Variants in ROBO2 observed in about 807,000 individuals in gnomAD.
ROBO2 encodes the protein roundabout guidance receptor 2, also known as roundabout homolog 2.
A neutral mutation model predicts 160.8 loss-of-function variants in ROBO2; 53 were observed. That is an observed-to-expected ratio of 0.33 (90% CI 0.26 to 0.41). The LOEUF (loss-of-function observed/expected upper bound fraction) is 0.41, where lower values mean the gene tolerates loss of function less well. Ranked by LOEUF, ROBO2 falls within the 10% of genes least tolerant of loss-of-function variation. The pLI, the probability that ROBO2 is intolerant of heterozygous loss-of-function variation, is 1.00. For missense variants in ROBO2, 1,577 were observed against 1,722.4 expected (o/e 0.92, Z 1.49); for synonymous variants, 664 against 611.7 (o/e 1.09, Z -1.26).
chr3:77,390,321 T>TA (rs1237119339), intron 2 of ROBO2, among the ~76,000 whole-genome samples: 1 of 152,182 alleles, frequency 6.6e-6, no homozygotes, highest in African/African-American at 2.4e-5. Flanking sequence ...TATGGCATCT[T>TA]ACACAGTTTG....
At chr3:75,938,419 T>C (rs1947894712) in intron 2 of ROBO2, among the ~76,000 whole-genome samples, 1 of 152,214 alleles carries the variant, frequency 6.6e-6, no homozygotes, top group East Asian at 1.9e-4. Context: ...CCGTATTTTA[T>C]GTGATAAAAC....
Position 76,871,540 on chromosome 3 carries a change from C to G in ROBO2, c.110-226474C>G, listed in dbSNP as rs971244861. Among the ~76,000 whole-genome samples, 53 of 137,222 alleles carry G rather than the reference C, an allele frequency of 3.9e-4. No homozygotes were observed. In the East Asian group the frequency reaches 0.01, roughly 26 times the overall value. 90.0% of individuals were successfully genotyped at this position (137,222 alleles called of 152,430 possible). ...CTGCACTCCAGCCTGGGCGACAGAG[C>G]GAGACTCCGTCTCAAAAAAAGAAAA... On this transcript the variant is annotated intron_variant, in intron 2 of 26. Coordinates refer to the ROBO2 transcript ENST00000487694.
intron 24 of ROBO2, among the ~76,000 whole-genome samples, chr3:77,641,139 T>C (rs1395752494): frequency 6.6e-6 from 1 of 152,238 alleles, no homozygotes; most frequent in Non-Finnish European, 1.5e-5. Context: ...ACCAAACTCA[T>C]TGGATTATCC....
At chr3:76,798,259 G>GGAAA (rs71104619) in intron 2 of ROBO2, among the ~76,000 whole-genome samples, 20,587 of 93,998 alleles carry the variant, frequency 0.22, 2,405 homozygotes, top group Admixed American at 0.26. Flanking sequence ...AAAGAAAGAA[G>GGAAA]GAAAGAAAGA....
chr3:76,555,946 C>G (rs887171055), intron 2 of ROBO2, among the ~76,000 whole-genome samples: 1 of 151,826 alleles, frequency 6.6e-6, no homozygotes, highest in African/African-American at 2.4e-5. Context: ...AAAAATTTGG[C>G]CAGGTGTGGT....
rs1290955194 is a variant in ROBO2, at chr3:76,141,068, T to TATATATATATATAA, written c.109+203475_109+203476insTATAAATATATATA. 3.3e-4 allele frequency among the ~76,000 whole-genome samples: 39 copies of TATATATATATATAA among 116,934 alleles called. 3 individuals are homozygous for TATATATATATATAA. The highest frequency in any genetic ancestry group is 1.1e-3 in the African/African-American group (35 of 31,260). The allele number at this position is 116,934 out of a possible 152,430, so 76.7% of individuals were successfully genotyped here. On this transcript the variant is annotated intron_variant, in intron 2 of 26. Transcript: ENST00000487694. ...AGATGTCTTTTTACATACATATATA[T>TATATATATATATAA]ATATATATAAAATATATGTGCCTGG... is the stretch of plus-strand genomic sequence containing the variant.
At chr3:77,023,821 G>A (rs4643744) in intron 2 of ROBO2, among the ~76,000 whole-genome samples, 90 of 152,070 alleles carry the variant, frequency 5.9e-4, no homozygotes, top group Non-Finnish European at 1.2e-3. Flanking sequence ...GTTAGCCTAC[G>A]ATATCTACAG....
chr3:76,646,022 CAG>C (rs1260525084), intron 2 of ROBO2, among the ~76,000 whole-genome samples: 1 of 152,072 alleles, frequency 6.6e-6, no homozygotes, highest in African/African-American at 2.4e-5. Context: ...GGGCTTGGGT[CAG>C]AGAGTCTGAA....
chr3:76,252,768 C>T (rs1267550753), intron 2 of ROBO2, among the ~76,000 whole-genome samples: 1 of 146,564 alleles, frequency 6.8e-6, no homozygotes, highest in Non-Finnish European at 1.5e-5. Flanking sequence ...TACACACACA[C>T]ACACACACAC....
At position 76,739,160 on chromosome 3, in the gene ROBO2, G is replaced by T. The variant is rs1212421963; in HGVS notation, c.110-358854G>T. On this transcript the variant is annotated intron_variant, in intron 2 of 26. Transcript: ENST00000487694. Reference sequence around the variant, plus strand: ...TACCCAAAGGACTATAAATCATGCTGCTATAAAGACACACGCACACATATG... The same window carrying T: ...TACCCAAAGGACTATAAATCATGCTTCTATAAAGACACACGCACACATATG... Among the ~76,000 whole-genome samples, 3 of 152,224 alleles carry T rather than the reference G, an allele frequency of 2.0e-5. No individual in the cohort carries two copies. The South Asian group carries it at 6.2e-4, about 32-fold the overall frequency.
At chr3:76,372,452 C>T (rs1314351500) in intron 2 of ROBO2, among the ~76,000 whole-genome samples, 1 of 151,830 alleles carries the variant, frequency 6.6e-6, no homozygotes, top group African/African-American at 2.4e-5. Flanking sequence ...GAGGGCTTAA[C>T]CTTTTGTTTG....
intron 2 of ROBO2, among the ~76,000 whole-genome samples, chr3:76,840,507 G>A (rs2148463249): frequency 6.6e-6 from 1 of 151,444 alleles, no homozygotes; most frequent in African/African-American, 2.4e-5. Context: ...CTACTCGGGA[G>A]GCTGAGGCAG....
At chr3:76,898,842 T>G (rs553035367) in intron 2 of ROBO2, among the ~76,000 whole-genome samples, 1 of 152,288 alleles carries the variant, frequency 6.6e-6, no homozygotes, top group East Asian at 1.9e-4. Context: ...TAAAAATATA[T>G]GTTCTATTAT....
At chr3:77,101,188 C>A (rs1249210470) in intron 2 of ROBO2, among the ~76,000 whole-genome samples, 1 of 152,164 alleles carries the variant, frequency 6.6e-6, no homozygotes, top group Non-Finnish European at 1.5e-5. Context: ...AGATTCTGAA[C>A]TGAACATAGC....
chr3:75,931,769 G>C (rs1018448777), intron 1 of ROBO2, among the ~76,000 whole-genome samples: 3 of 151,930 alleles, frequency 2.0e-5, no homozygotes, highest in Admixed American at 1.3e-4. Context: ...TCCCCTGCTT[G>C]ACTTTGCATG....
At chr3:76,000,613 C>T (rs977907509) in intron 2 of ROBO2, among the ~76,000 whole-genome samples, 7 of 151,570 alleles carry the variant, frequency 4.6e-5, no homozygotes, top group South Asian at 4.2e-4. Flanking sequence ...CTCAGCCTCC[C>T]GAGTAGCTGG....
At chr3:77,484,508 AACACACACAC>A (rs60959193) in intron 4 of ROBO2, among the ~76,000 whole-genome samples, 15 of 146,726 alleles carry the variant, frequency 1.0e-4, no homozygotes, top group African/African-American at 1.5e-4. Context: ...CCCCAACACA[AACACACACAC>A]ACACACACAC....
intron 2 of ROBO2, among the ~76,000 whole-genome samples, chr3:76,391,895 A>G (rs2077171504): frequency 6.6e-6 from 1 of 152,170 alleles, no homozygotes; most frequent in Admixed American, 6.5e-5. Flanking sequence ...CTCCTTGAAA[A>G]TTATAATGAT....
intron 2 of ROBO2, among the ~76,000 whole-genome samples, chr3:76,612,427 A>G (rs528805703): frequency 4.6e-4 from 70 of 152,258 alleles, no homozygotes; most frequent in African/African-American, 1.6e-3. Flanking sequence ...GCTTTACAAC[A>G]TTCTCAGCAA....
Sources: allele counts gnomAD v4.1 joint callset (sites outside exome capture counted in the v4.1 genomes callset), GRCh38; gene constraint gnomAD v4.1.1; transcripts MANE v1.5; gene names NCBI Gene and HGNC (gene_info 2026-07-23, HGNC 2026-07-21).